PKM: variants seen among roughly 807,000 people sequenced by gnomAD.
PKM encodes the protein pyruvate kinase M1/2, also known as pyruvate kinase PKM.
In PKM, 18 loss-of-function variants were observed where a neutral mutation model predicts 49.8. The ratio of observed to expected loss-of-function variants is 0.36; its 90% CI spans 0.25 to 0.54. The LOEUF is 0.54. PKM is among the 20% of genes least tolerant of loss of function. PKM has a pLI of 0.89. For missense variants in PKM, 508 were observed against 713.8 expected (o/e 0.71, Z 3.28); for synonymous variants, 239 against 261.8 (o/e 0.91, Z 0.84).
intron 6 of PKM, among the ~76,000 whole-genome samples, chr15:72,208,101 C>T (rs908894391): frequency 1.3e-5 from 2 of 152,144 alleles, no homozygotes; most frequent in African/African-American, 4.8e-5. Flanking sequence ...GTGGAATGGA[C>T]CATACCAGAG....
At chr15:72,203,044 T>C in intron 8 of PKM, 1 of 1,614,136 alleles carries the variant, frequency 6.2e-7, no homozygotes, top group Non-Finnish European at 8.5e-7. Flanking sequence ...GTCAGAACTA[T>C]CAAAGCTGCT....
At chr15:72,225,480 C>T (rs1036883571) in intron 1 of PKM, among the ~76,000 whole-genome samples, 1 of 152,146 alleles carries the variant, frequency 6.6e-6, no homozygotes, top group Non-Finnish European at 1.5e-5. Flanking sequence ...CTGCTCCCAG[C>T]CACATCATGC....
intron 5 of PKM, 57 bp from the exon 6 acceptor site, chr15:72,208,948 A>G: frequency 6.4e-7 from 1 of 1,560,596 alleles, no homozygotes; most frequent in Non-Finnish European, 8.7e-7. Context: ...GTCAACAGGA[A>G]GCAGGCACCT....
Position 72,209,685 on chromosome 15 carries a change from C to T in PKM, c.553G>A (p.Val185Met). ...CTCCCATACGTACCTTTCTGCTTCA[C>T]CTGGAGAGAAATAAGCCCATCATCC... ...YVDDGLISLQ[V>M]KQKGADFLVT... is the part of the protein sequence containing the mutation. The change falls in exon 5 of 11, where the codon GTG (valine) becomes ATG (methionine). Residue 185 changes from valine to methionine, a missense_variant. By Grantham distance (21) the Val-to-Met change is conservative (BLOSUM62 1). Transcript: ENST00000335181. 6.2e-7 allele frequency: 1 copy of T among 1,613,488 alleles called. No homozygotes were observed. The highest frequency in any genetic ancestry group is 8.5e-7 in the Non-Finnish European group (1 of 1,179,854).
intron 5 of PKM, 134 bp downstream of exon 5, chr15:72,209,539 T>C (rs1194921157): frequency 1.9e-5 from 15 of 775,416 alleles, no homozygotes; most frequent in Non-Finnish European, 2.8e-5. Flanking sequence ...ATAAATGAGT[T>C]ATAAAAGGGA....
chr15:72,202,740 G>T lies in PKM; in HGVS notation c.1141-120C>A, dbSNP rs1430869707. ...CAGCTGGTGAGGAACATGTTCCTGG[G>T]AACAAAGGCCAAGAGGAGCCCAATC... On this transcript the variant is annotated intron_variant, in intron 8 of 10. Coordinates refer to ENST00000335181, the MANE Select transcript of PKM (RefSeq NM_002654.6). This position sits in a 1 kb window ranked among gnomAD's most constrained non-coding sequence, Gnocchi z 4.5. 5 of 909,232 alleles carry T rather than the reference G, an allele frequency of 5.5e-6. No homozygotes were observed. In the East Asian group the frequency reaches 1.3e-4, roughly 24 times the overall value. The allele number at this position is 909,232 out of a possible 1,614,324, so 56.3% of individuals were successfully genotyped here. A position where few individuals can be genotyped will look rare whatever the true frequency, so the allele number is the denominator to read the frequency against.
At position 72,206,856 on chromosome 15, in the gene PKM, G is replaced by T. The variant is rs1191322184; in HGVS notation, c.1012C>A (p.Pro338Thr). 3 of 1,614,162 alleles carry T rather than the reference G, an allele frequency of 1.9e-6. No homozygotes were observed. Among genetic ancestry groups the T allele is most frequent in the Non-Finnish European group, 2.5e-6 (3 of 1,180,030 alleles). ...CTGCCTTCAGCCCGAGTGGGGCGGG[G>T]CTTCTTGATCATGCTCTCCAGCATC... is the stretch of plus-strand genomic sequence containing the variant. Reference protein sequence around the residue: ...TQMLESMIKKPRPTRAEGSDV... With the variant: ...TQMLESMIKKTRPTRAEGSDV... Residue 338 changes from proline (P) to threonine (T), a missense_variant, in exon 8 of 11, where the codon CCC becomes ACC. By Grantham distance (38) the Pro-to-Thr change is conservative. Coordinates refer to ENST00000335181, the MANE Select transcript of PKM (RefSeq NM_002654.6).
At chr15:72,203,258 G>A (rs2081991660) in intron 8 of PKM, 2 of 1,330,274 alleles carry the variant, frequency 1.5e-6, no homozygotes, top group Non-Finnish European at 2.2e-6. Context: ...CACAACACAT[G>A]GGAAGACAGA....
intron 1 of PKM, among the ~76,000 whole-genome samples, chr15:72,229,911 TAAAAA>T (rs35843341): frequency 7.5e-6 from 1 of 132,534 alleles, no homozygotes; most frequent in Non-Finnish European, 1.7e-5. Context: ...GCCGGATAAT[TAAAAA>T]AAAAAAAAAG....
At chr15:72,217,639 T>C (rs551860119) in intron 2 of PKM, 139 bp from the exon 3 acceptor site, 2 of 671,366 alleles carry the variant, frequency 3.0e-6, no homozygotes, top group East Asian at 2.8e-5. Context: ...AAAAAGTGCA[T>C]GGAAGGCTAC....
At position 72,199,491 on chromosome 15, in the gene PKM, A is replaced by G. The variant is rs1241269379; in HGVS notation, c.*159T>C. On this transcript the variant is annotated 3_prime_UTR_variant, in exon 11 of 11. Coordinates refer to ENST00000335181, the MANE Select transcript of PKM (RefSeq NM_002654.6). ...TGTCCCACTAGAGCAGGCTGCAAAC[A>G]CAGCCATGTTTCAGTGAGGCGTTGA... The G allele has an allele frequency of 2.8e-6, 2 of 710,138 alleles. No homozygotes were observed. The highest frequency in any genetic ancestry group is 3.5e-5 in the African/African-American group (2 of 57,208). The allele number at this position is 710,138 out of a possible 1,614,324, so 44.0% of individuals were successfully genotyped here.
chr15:72,225,259 A>C (rs1171124032), intron 1 of PKM, among the ~76,000 whole-genome samples: 2 of 151,782 alleles, frequency 1.3e-5, no homozygotes, highest in Non-Finnish European at 1.5e-5. Flanking sequence ...AAAAACAAAA[A>C]CAAGAATTTT....
At chr15:72,226,071 A>G (rs1196859565) in intron 1 of PKM, among the ~76,000 whole-genome samples, 1 of 152,226 alleles carries the variant, frequency 6.6e-6, no homozygotes, top group African/African-American at 2.4e-5. Context: ...AGGGATACCC[A>G]GATAGTTTCA....
At chr15:72,219,146 T>C (rs1392302062) in intron 1 of PKM, 36 bp from the exon 2 acceptor site, 2 of 1,588,144 alleles carry the variant, frequency 1.3e-6, no homozygotes, top group Non-Finnish European at 1.7e-6. Flanking sequence ...GTGGTAAGAC[T>C]GAGAAGTGGT....
At position 72,219,001 on chromosome 15, in the gene PKM, G is replaced by T. The variant is rs746913899; in HGVS notation, c.97C>A (p.Leu33Met). 6.2e-7 allele frequency: 1 copy of T among 1,614,216 alleles called. No individual in the cohort carries two copies. The highest frequency in any genetic ancestry group is 8.5e-7 in the Non-Finnish European group (1 of 1,180,036). The change falls in exon 2 of 11, where the codon CTG (leucine) becomes ATG (methionine). Residue 33 changes from leucine (L) to methionine (M), a missense_variant. Transcript: ENST00000335181. Reference protein sequence around the residue: ...ADTFLEHMCRLDIDSPPITAR... With the variant: ...ADTFLEHMCRMDIDSPPITAR... The stretch of plus-strand genomic sequence containing the variant: ...GTGATGGGTGGTGAATCAATGTCCA[G>T]GCGGCACATGTGCTCCAGGAATGTG...
chr15:72,228,259 A>G (rs2082738799), intron 1 of PKM, among the ~76,000 whole-genome samples: 1 of 152,154 alleles, frequency 6.6e-6, no homozygotes, highest in Admixed American at 6.5e-5. Flanking sequence ...AGGGCCAGGA[A>G]TGAAGCTGCA....
At chr15:72,231,036 G>A (rs779914050) in intron 1 of PKM, 80 bp downstream of exon 1, 287 of 1,073,694 alleles carry the variant, frequency 2.7e-4, no homozygotes, top group Non-Finnish European at 3.4e-4. Flanking sequence ...CCCGGGGCCG[G>A]CCGGCGCGCC....
intron 8 of PKM, chr15:72,203,321 T>C: frequency 1.3e-6 from 1 of 789,604 alleles, no homozygotes; most frequent in East Asian, 2.5e-5. Flanking sequence ...GCTAAATCTG[T>C]CCTTCAGGCA....
intron 3 of PKM, among the ~76,000 whole-genome samples, chr15:72,211,476 T>C (rs756296007): frequency 2.0e-5 from 3 of 152,134 alleles, no homozygotes; most frequent in Non-Finnish European, 4.4e-5. Flanking sequence ...GCTTCAATCT[T>C]TTTTCTTAAG....
Sources: gnomAD v4.1 joint callset for allele counts (sites outside exome capture counted in the v4.1 genomes callset) on GRCh38, gnomAD v4.1.1 for gene constraint, Gnocchi (gnomAD v3.1) non-coding constraint, MANE v1.5 for transcripts, NCBI Gene and HGNC (gene_info 2026-07-23, HGNC 2026-07-21) for gene names.